The following COL28A1 variants were observed in gnomAD, a reference collection of about 807,000 sequenced individuals.
The protein encoded by COL28A1 is collagen alpha-1(XXVIII) chain.
A neutral mutation model predicts 150.2 loss-of-function variants in COL28A1; 161 were observed. The ratio of observed to expected loss-of-function variants is 1.07; its 90% CI spans 0.94 to 1.22. The LOEUF (loss-of-function observed/expected upper bound fraction) is 1.22. Ranked by LOEUF, COL28A1 falls within the 50% of genes most tolerant of loss-of-function variation. COL28A1 has a pLI of 0.00. For synonymous variants in COL28A1, 552 were observed against 469.7 expected (o/e 1.18, Z -2.26); for missense variants, 1,617 against 1,388.3 (o/e 1.16, Z -2.62).
intron 13 of COL28A1, among the ~76,000 whole-genome samples, chr7:7,486,102 T>C (rs879366949): frequency 2.6e-5 from 4 of 152,192 alleles, no homozygotes; most frequent in Non-Finnish European, 5.9e-5. Context: ...CCTCTAAATG[T>C]ATTAAGTATT....
intron 9 of COL28A1, among the ~76,000 whole-genome samples, chr7:7,510,500 G>T (rs1414359319): frequency 6.6e-6 from 1 of 152,184 alleles, no homozygotes; most frequent in African/African-American, 2.4e-5. Context: ...GGTCAGGCTG[G>T]TCTCAAACTC....
chr7:7,395,660 G>T (rs1204768229), intron 27 of COL28A1, among the ~76,000 whole-genome samples: 9 of 152,166 alleles, frequency 5.9e-5, no homozygotes, highest in Non-Finnish European at 1.2e-4. Context: ...TGCTGTAAAA[G>T]CTCTGAGAAG....
In COL28A1 at chr7:7,421,083, C is replaced by T. The variant is rs1784371340; in HGVS notation, c.1999-1130G>A. On this transcript the variant is annotated intron_variant, in intron 25 of 34. Transcript: ENST00000399429. ...ATACATAATCATCCAAAACTAGAAA[C>T]AGCCTAAATGCCCATCAACTGGTGA... 3.3e-5 allele frequency among the ~76,000 whole-genome samples: 5 copies of T among 152,290 alleles called. No individual in the cohort carries two copies. The South Asian group carries it at 8.3e-4, about 25-fold the overall frequency.
chr7:7,358,743 A>G lies in COL28A1; in HGVS notation c.3268T>C (p.Tyr1090His). 1.2e-6 allele frequency: 2 copies of G among 1,614,038 alleles called. No individual in the cohort carries two copies. The highest frequency in any genetic ancestry group is 1.7e-6 in the Non-Finnish European group (2 of 1,179,958). ...GCACAAGAGTTGACCTGTTTGTCAT[A>G]ATACCATCGAACCACATATTCACCA... is the stretch of plus-strand genomic sequence containing the variant. ...NCGEYVVRWYYDKQVNSCARF... is the reference protein window; with the variant it reads ...NCGEYVVRWYHDKQVNSCARF... The change falls in exon 35 of 35, where the codon TAT becomes CAT. Residue 1090 changes from tyrosine (Y) to histidine (H), a missense_variant. Physicochemically the swap from Tyr to His is moderately conservative, Grantham distance 83 (BLOSUM62 2). Coordinates refer to ENST00000399429, the MANE Select transcript of COL28A1 (RefSeq NM_001037763.3).
In COL28A1 at chr7:7,489,345, C is replaced by G. The variant is rs1779793537; in HGVS notation, c.1164+44G>C. 4 of 878,296 alleles carry G rather than the reference C, an allele frequency of 4.6e-6. No homozygotes were observed. The East Asian group carries it at 9.6e-5, about 21-fold the overall frequency. 54.4% of individuals were successfully genotyped at this position (878,296 alleles called of 1,614,324 possible). ...CCTAAACAGAAAGAACAAGTAAAAACTATATTTGTCCTTTTCATTCCATCT... is the reference window on the plus strand; with the variant it reads ...CCTAAACAGAAAGAACAAGTAAAAAGTATATTTGTCCTTTTCATTCCATCT... On this transcript the variant is annotated intron_variant, in intron 13 of 34. Transcript: ENST00000399429.
chr7:7,455,108 T>G (rs1010967387), intron 16 of COL28A1, among the ~76,000 whole-genome samples: 1 of 152,210 alleles, frequency 6.6e-6, no homozygotes, highest in Non-Finnish European at 1.5e-5. Context: ...TTTTAAATTC[T>G]TCCCTTCTCC....
At chr7:7,529,078 G>C (rs1325815605) in intron 3 of COL28A1, among the ~76,000 whole-genome samples, 1 of 152,032 alleles carries the variant, frequency 6.6e-6, no homozygotes, top group Non-Finnish European at 1.5e-5. Context: ...GAGGCGGGCA[G>C]ATCACCTGAG....
rs1779803504 is a variant in COL28A1 at position 7,489,469 on chromosome 7, AAAT to A, written c.1096-15_1096-13del. 8.9e-7 allele frequency: 1 copy of A among 1,129,044 alleles called. No individual in the cohort carries two copies. Among genetic ancestry groups the A allele is most frequent in the Non-Finnish European group, 1.4e-6 (1 of 736,688 alleles). 69.9% of individuals were successfully genotyped at this position (1,129,044 alleles called of 1,614,324 possible). On this transcript the variant is annotated splice_polypyrimidine_tract_variant and intron_variant, in intron 12 of 34. Coordinates refer to ENST00000399429, the MANE Select transcript of COL28A1 (RefSeq NM_001037763.3). ...TGGCCTCTTTCTCCCTAAGAGAAAG[AAAT>A]AATAGAATGAAAGCTTGAGATTTTA...
intron 18 of COL28A1, among the ~76,000 whole-genome samples, chr7:7,447,858 G>A (rs1485542507): frequency 6.6e-6 from 1 of 152,126 alleles, no homozygotes; most frequent in Non-Finnish European, 1.5e-5. Context: ...GAAATAACCT[G>A]AAACATCCAA....
chr7:7,375,585 A>G lies in COL28A1; in HGVS notation c.2323-88T>C. On this transcript the variant is annotated intron_variant, in intron 30 of 34. Transcript: ENST00000399429. Reference sequence around the variant, plus strand: ...TAAAAGATATCTCATTACAATCAGCACTGGACCATTTGATTTAATCCTTCC... The same window carrying G: ...TAAAAGATATCTCATTACAATCAGCGCTGGACCATTTGATTTAATCCTTCC... 3.5e-6 allele frequency: 3 copies of G among 845,070 alleles called. No individual in the cohort carries two copies. The Admixed American group carries it at 9.0e-5, about 25-fold the overall frequency. The allele number at this position is 845,070 out of a possible 1,614,324, so 52.3% of individuals were successfully genotyped here. A position where few individuals can be genotyped will look rare whatever the true frequency, so the allele number is the denominator to read the frequency against.
chr7:7,527,897 C>A (rs1782118543), intron 3 of COL28A1, among the ~76,000 whole-genome samples: 1 of 151,986 alleles, frequency 6.6e-6, no homozygotes, highest in African/African-American at 2.4e-5. Context: ...ACTCGGTAGG[C>A]AAGGGGAACA....
At position 7,400,673 on chromosome 7, in the gene COL28A1, A is replaced by G. The variant is rs542222675; in HGVS notation, c.2136+17186T>C. 2.2e-5 allele frequency among the ~76,000 whole-genome samples: 3 copies of G among 137,652 alleles called. No individual in the cohort carries two copies. In the South Asian group the frequency reaches 6.3e-4, roughly 29 times the overall value. The allele number at this position is 137,652 out of a possible 152,430, so 90.3% of individuals were successfully genotyped here. A position where few individuals can be genotyped will look rare whatever the true frequency, so the allele number is the denominator to read the frequency against. On this transcript the variant is annotated intron_variant, in intron 27 of 34. Transcript: ENST00000399429. ...TTTCCAGCAGCATACAACATATAAT[A>G]ATATCTCCCAGCTTAAAAAAAAAAA...
Position 7,407,037 on chromosome 7 carries a change from A to G in COL28A1, c.2136+10822T>C, listed in dbSNP as rs1783527798. On this transcript the variant is annotated intron_variant, in intron 27 of 34. Coordinates refer to ENST00000399429, the MANE Select transcript of COL28A1 (RefSeq NM_001037763.3). The stretch of plus-strand genomic sequence containing the variant: ...GAAATGAAAAATGTAACTGAAACTA[A>G]AAACTCAATGGACTGGTTAAATGAC... Among the ~76,000 whole-genome samples, 3 of 152,256 alleles carry G rather than the reference A, an allele frequency of 2.0e-5. No individual in the cohort carries two copies. The South Asian group carries it at 6.2e-4, about 32-fold the overall frequency.
At position 7,369,672 on chromosome 7, in the gene COL28A1, G is replaced by A. The variant is rs550774980; in HGVS notation, c.3066+1053C>T. On this transcript the variant is annotated intron_variant, in intron 33 of 34. Transcript: ENST00000399429. ...TGAACAGGATACGAGAATCTAGTGA[G>A]TTCTATAGCCTGTGCCCTTAGGAAT... Among the ~76,000 whole-genome samples, 19 of 152,304 alleles carry A rather than the reference G, an allele frequency of 1.2e-4. 1 individual carries two copies. The South Asian group carries it at 3.7e-3, about 30-fold the overall frequency.
At chr7:7,531,325 T>C (rs1284534558) in intron 3 of COL28A1, 23 bp downstream of exon 3, 2 of 995,814 alleles carry the variant, frequency 2.0e-6, no homozygotes, top group East Asian at 2.4e-5. Context: ...GATAACTGTA[T>C]AATCAACCCA....
Position 7,380,701 on chromosome 7 carries a change from T to C in COL28A1, c.2287-6A>G. On this transcript the variant is annotated splice_polypyrimidine_tract_variant and splice_region_variant and intron_variant, in intron 29 of 34. Transcript: ENST00000399429. Reference sequence around the variant, plus strand: ...CCTTTGGGTCCTTGTAAACCCTACTTAGTGGAAGAAGAGTAAAAGTCAATA... The same window carrying C: ...CCTTTGGGTCCTTGTAAACCCTACTCAGTGGAAGAAGAGTAAAAGTCAATA... The C allele has an allele frequency of 8.1e-6, 13 of 1,613,604 alleles. No individual in the cohort carries two copies. Among genetic ancestry groups the C allele is most frequent in the Non-Finnish European group, 1.1e-5 (13 of 1,179,566 alleles).
At chr7:7,400,337 A>C (rs1395089347) in intron 27 of COL28A1, among the ~76,000 whole-genome samples, 2 of 152,220 alleles carry the variant, frequency 1.3e-5, no homozygotes, top group Non-Finnish European at 2.9e-5. Context: ...GGAGAGAAGA[A>C]GGCCAAGCAA....
rs533055961 is a variant in COL28A1, at chr7:7,387,089, G to A, written c.2137-5477C>T. Among the ~76,000 whole-genome samples, 5 of 152,196 alleles carry A rather than the reference G, an allele frequency of 3.3e-5. No individual in the cohort carries two copies. In the South Asian group the frequency reaches 1.0e-3, roughly 32 times the overall value. On this transcript the variant is annotated intron_variant, in intron 27 of 34. Transcript: ENST00000399429. ...CCACCCCAAGGCCCCACTTCCTAACGCCATCGACTTGGGGGTTAAAATTTC... is the reference window on the plus strand; with the variant it reads ...CCACCCCAAGGCCCCACTTCCTAACACCATCGACTTGGGGGTTAAAATTTC...
At chr7:7,420,630 C>T (rs1039484812) in intron 25 of COL28A1, among the ~76,000 whole-genome samples, 2 of 152,212 alleles carry the variant, frequency 1.3e-5, no homozygotes, top group African/African-American at 4.8e-5. Flanking sequence ...AATAATCTTG[C>T]ATTATAATGA....
Sources: gnomAD v4.1 joint callset for allele counts (sites outside exome capture counted in the v4.1 genomes callset) on GRCh38, gnomAD v4.1.1 for gene constraint, MANE v1.5 for transcripts, NCBI Gene and HGNC (gene_info 2026-07-23, HGNC 2026-07-21) for gene names.